Variants in TNNI1 observed in about 807,000 individuals in gnomAD.
TNNI1 encodes troponin I1, slow skeletal type.
Under a neutral mutation model 26.7 loss-of-function variants are expected in TNNI1, and 14 were observed. That is an observed-to-expected ratio of 0.52 (90% CI 0.35 to 0.82). The LOEUF is 0.82. TNNI1 is among the 40% of genes least tolerant of loss of function. The pLI is 0.01. For missense variants in TNNI1, 164 were observed against 257.0 expected (o/e 0.64, Z 2.47); for synonymous variants, 79 against 98.2 (o/e 0.80, Z 1.16).
chr1:201,407,968 G>C lies in TNNI1; in HGVS notation c.*1285C>G, dbSNP rs1327929194. ...TGAAGCAGGAGAATCGCTTGAACCT[G>C]GGAGGCGGAGGTTGCAGTGAGTCGA... On this transcript the variant is annotated 3_prime_UTR_variant, in exon 9 of 9. Coordinates refer to ENST00000361379, the MANE Select transcript of TNNI1 (RefSeq NM_003281.4). The C allele has an allele frequency of 6.6e-6, 1 of 151,808 alleles. No homozygotes were observed. The highest frequency in any genetic ancestry group is 1.5e-5 in the Non-Finnish European group (1 of 68,008). 9.4% of individuals were successfully genotyped at this position (151,808 alleles called of 1,614,324 possible). A position where few individuals can be genotyped will look rare whatever the true frequency, so the allele number is the denominator to read the frequency against.
rs1274561049 is a variant in TNNI1, at chr1:201,404,261, G to GATCT, written c.*4991_*4992insAGAT. The GATCT allele has an allele frequency of 1.3e-5, 2 of 152,126 alleles. No individual in the cohort carries two copies. Among genetic ancestry groups the GATCT allele is most frequent in the Non-Finnish European group, 2.9e-5 (2 of 68,042 alleles). The allele number at this position is 152,126 out of a possible 1,614,324, so 9.4% of individuals were successfully genotyped here. On this transcript the variant is annotated 3_prime_UTR_variant, in exon 9 of 9. Coordinates refer to ENST00000361379, the MANE Select transcript of TNNI1 (RefSeq NM_003281.4). ...TCCCCTTTCTCGGACAGGACAGAGT[G>GATCT]GAGATCCAGGGGGATCCCCAGCCCC...
chr1:201,414,353 T>C (rs1247135531), intron 5 of TNNI1, among the ~76,000 whole-genome samples, 165 bp downstream of exon 5: 1 of 152,254 alleles, frequency 6.6e-6, no homozygotes, highest in African/African-American at 2.4e-5. Flanking sequence ...TGTTCCCACC[T>C]CACAGGTGGT....
In TNNI1 at chr1:201,404,065, G is replaced by C. The variant is rs558532322; in HGVS notation, c.*5188C>G. The C allele has an allele frequency of 6.6e-6, 1 of 152,230 alleles. No individual in the cohort carries two copies. The highest frequency in any genetic ancestry group is 2.1e-4 in the South Asian group (1 of 4,822). 9.4% of individuals were successfully genotyped at this position (152,230 alleles called of 1,614,324 possible). On this transcript the variant is annotated 3_prime_UTR_variant, in exon 9 of 9. Coordinates refer to ENST00000361379, the MANE Select transcript of TNNI1 (RefSeq NM_003281.4). ...CCTCCAGGGACATTCCACCAGGCAGGGCTTAGCACAACTGGGAATTCCCTG... is the reference window on the plus strand; with the variant it reads ...CCTCCAGGGACATTCCACCAGGCAGCGCTTAGCACAACTGGGAATTCCCTG...
Position 201,413,089 on chromosome 1 carries a change from C to A in TNNI1, c.222G>T (p.Glu74Asp), listed in dbSNP as rs956135288. 6.2e-7 allele frequency: 1 copy of A among 1,614,144 alleles called. No homozygotes were observed. Among genetic ancestry groups the A allele is most frequent in the South Asian group, 1.1e-5 (1 of 91,084 alleles). Residue 74 changes from glutamate to aspartate, a missense_variant, in exon 6 of 9, where the codon GAG (glutamate) becomes GAT (aspartate). Coordinates refer to ENST00000361379, the MANE Select transcript of TNNI1 (RefSeq NM_003281.4). The stretch of plus-strand genomic sequence containing the variant: ...TGTCGTATCGCTCCTCATCCACCAC[C>A]TCCACCTTGGCGTGCAGCTCCCGGC... ...DLCRELHAKV[E>D]VVDEERYDIE... is the part of the protein sequence containing the mutation.
At chr1:201,410,258 A>G (rs1662608375) in intron 8 of TNNI1, 68 bp downstream of exon 8, 13 of 1,418,248 alleles carry the variant, frequency 9.2e-6, no homozygotes, top group African/African-American at 1.4e-5. Context: ...CCGCCTGCCC[A>G]TTGTGGACTC....
chr1:201,413,018 T>A lies in TNNI1; in HGVS notation c.279+14A>T, dbSNP rs759927010. The A allele has an allele frequency of 8.1e-6, 13 of 1,613,490 alleles. No individual in the cohort carries two copies. Among genetic ancestry groups the A allele is most frequent in the Middle Eastern group, 1.6e-4 (1 of 6,084 alleles). On this transcript the variant is annotated intron_variant, in intron 6 of 8. Transcript: ENST00000361379. Reference sequence around the variant, plus strand: ...ACCCATTATGGCCATGCCCCTTCCCTTCCTTAGACTCACCTCCCTGGTGTT... The same window carrying A: ...ACCCATTATGGCCATGCCCCTTCCCATCCTTAGACTCACCTCCCTGGTGTT...
rs1226926786 is a variant in TNNI1, at chr1:201,403,847, A to G, written c.*5406T>C. ...TAGTAACATTATGAAGAGAACCAAG[A>G]GAATAACAAACACAAAATTGAGGAT... On this transcript the variant is annotated 3_prime_UTR_variant, in exon 9 of 9. Transcript: ENST00000361379. 2 of 152,246 alleles carry G rather than the reference A, an allele frequency of 1.3e-5. No homozygotes were observed. Among genetic ancestry groups the G allele is most frequent in the African/African-American group, 4.8e-5 (2 of 41,456 alleles). 9.4% of individuals were successfully genotyped at this position (152,246 alleles called of 1,614,324 possible).
chr1:201,413,064 T>C lies in TNNI1; in HGVS notation c.247A>G (p.Ile83Val). The change falls in exon 6 of 9, where the codon ATT (isoleucine) becomes GTT (valine). Residue 83 changes from isoleucine (I) to valine (V), a missense_variant. By Grantham distance (29) the Ile-to-Val change is conservative (BLOSUM62 3). Coordinates refer to ENST00000361379, the MANE Select transcript of TNNI1 (RefSeq NM_003281.4). ...VEVVDEERYD[I>V]EAKCLHNTRE... ...GTGTTGTGGAGGCATTTGGCCTCAA[T>C]GTCGTATCGCTCCTCATCCACCACC... 1 of 1,614,152 alleles carries C rather than the reference T, an allele frequency of 6.2e-7. No homozygotes were observed. The highest frequency in any genetic ancestry group is 8.5e-7 in the Non-Finnish European group (1 of 1,179,978).
chr1:201,410,234 A>C (rs1662607791), intron 8 of TNNI1, 92 bp downstream of exon 8: 2 of 1,138,830 alleles, frequency 1.8e-6, no homozygotes, highest in African/African-American at 3.0e-5. Flanking sequence ...TCCGTGCACC[A>C]CACTAAGTAC....
At chr1:201,412,948 G>T in intron 6 of TNNI1, 84 bp downstream of exon 6, 1 of 1,390,178 alleles carries the variant, frequency 7.2e-7, no homozygotes, top group South Asian at 1.2e-5. Context: ...TGTGGAAGGA[G>T]GGGACCTCCC....
In TNNI1 at chr1:201,413,050, G is replaced by A; in HGVS notation, c.261C>T (p.Cys87=). ...GACTCACCTCCCTGGTGTTGTGGAG[G>A]CATTTGGCCTCAATGTCGTATCGCT... ...DEERYDIEAK[C]LHNTREIKDL... The change falls in exon 6 of 9, where the codon TGC becomes TGT. Residue 87 remains cysteine (C), a synonymous_variant. Coordinates refer to ENST00000361379, the MANE Select transcript of TNNI1 (RefSeq NM_003281.4). 6.2e-7 allele frequency: 1 copy of A among 1,614,082 alleles called. No individual in the cohort carries two copies. The highest frequency in any genetic ancestry group is 1.3e-5 in the African/African-American group (1 of 75,058).
Position 201,410,378 on chromosome 1 carries a change from C to G in TNNI1, c.514G>C (p.Glu172Gln). 6.2e-7 allele frequency: 1 copy of G among 1,614,204 alleles called. No homozygotes were observed. The highest frequency in any genetic ancestry group is 1.7e-5 in the Admixed American group (1 of 60,028). The change falls in exon 8 of 9, where the codon GAA becomes CAA. Residue 172 changes from glutamate to glutamine, a missense_variant. This residue lies in a region of TNNI1 where 43 missense variants were observed against 74.3 expected (regional missense o/e 0.58). Transcript: ENST00000361379. ...GCATCAAACATCTTCTTCCGGCCTTCCATGCCAGACATGGCCTCCACGTTC... is the reference window on the plus strand; with the variant it reads ...GCATCAAACATCTTCTTCCGGCCTTGCATGCCAGACATGGCCTCCACGTTC... ...RKNVEAMSGM[E>Q]GRKKMFDAAK... is the part of the protein sequence containing the mutation.
chr1:201,411,612 A>G lies in TNNI1; in HGVS notation c.280-79T>C. The G allele has an allele frequency of 7.2e-7, 1 of 1,390,970 alleles. No homozygotes were observed. The highest frequency in any genetic ancestry group is 9.5e-7 in the Non-Finnish European group (1 of 1,055,558). 86.2% of individuals were successfully genotyped at this position (1,390,970 alleles called of 1,614,324 possible). ...CCCTTCCTGAGGACCTCAGACTGCT[A>G]GGGTTCCAGCCAGAGATACACCTTA... On this transcript the variant is annotated intron_variant, in intron 6 of 8. Coordinates refer to ENST00000361379, the MANE Select transcript of TNNI1 (RefSeq NM_003281.4). The surrounding 1 kb of genome is among the most constrained non-coding windows in gnomAD (Gnocchi z 4.6).
intron 2 of TNNI1, among the ~76,000 whole-genome samples, chr1:201,417,431 A>G (rs1175165670): frequency 1.3e-5 from 2 of 152,214 alleles, no homozygotes; most frequent in Non-Finnish European, 2.9e-5. Flanking sequence ...CAGCAACGTG[A>G]AAGCATCCAT....
At chr1:201,412,941 G>A (rs1349788150) in intron 6 of TNNI1, 91 bp downstream of exon 6, 3 of 1,324,268 alleles carry the variant, frequency 2.3e-6, no homozygotes, top group Non-Finnish European at 2.2e-6. Context: ...TAGGCCCTGT[G>A]GAAGGAGGGG....
chr1:201,411,298 T>C lies in TNNI1; in HGVS notation c.456+59A>G, dbSNP rs1050608422. ...GGCCAGCCTGAGGCCATGTGAGGGGTTGACAAGGGGAAAGCTGGTAGGGCA... is the reference window on the plus strand; with the variant it reads ...GGCCAGCCTGAGGCCATGTGAGGGGCTGACAAGGGGAAAGCTGGTAGGGCA... On this transcript the variant is annotated intron_variant, in intron 7 of 8. Coordinates refer to ENST00000361379, the MANE Select transcript of TNNI1 (RefSeq NM_003281.4). This position sits in a 1 kb window ranked among gnomAD's most constrained non-coding sequence, Gnocchi z 4.6. 1.6e-5 allele frequency: 25 copies of C among 1,591,636 alleles called. No individual in the cohort carries two copies. In the South Asian group the frequency reaches 2.3e-4, roughly 15 times the overall value.
chr1:201,418,971 G>T (rs1662804541), intron 1 of TNNI1, among the ~76,000 whole-genome samples: 1 of 152,178 alleles, frequency 6.6e-6, no homozygotes, highest in African/African-American at 2.4e-5. Context: ...CCTATCAGAA[G>T]GTGGAGGGTG....
intron 2 of TNNI1, 119 bp from the exon 3 acceptor site, chr1:201,417,238 C>G (rs1662758321): frequency 3.1e-6 from 4 of 1,282,054 alleles, no homozygotes; most frequent in Non-Finnish European, 4.6e-6. Context: ...AGGAGGGGGC[C>G]AGTGACAACA....
intron 3 of TNNI1, among the ~76,000 whole-genome samples, chr1:201,416,841 G>A (rs939809446): frequency 2.1e-4 from 32 of 152,156 alleles, no homozygotes; most frequent in Non-Finnish European, 5.9e-5. Context: ...CAAGGATGCA[G>A]AGTCACACCC....
Sources: allele counts gnomAD v4.1 joint callset (sites outside exome capture counted in the v4.1 genomes callset), GRCh38; gene constraint gnomAD v4.1.1; regional missense constraint gnomAD v4.1.1; non-coding constraint Gnocchi (gnomAD v3.1); transcripts MANE v1.5; gene names NCBI Gene and HGNC (gene_info 2026-07-23, HGNC 2026-07-21).